The following CER1 variants were observed in gnomAD, a reference collection of about 807,000 sequenced individuals.
CER1 encodes the protein cerberus 1, DAN family BMP antagonist, also known as cerberus.
A neutral mutation model predicts 11.8 loss-of-function variants in CER1; 10 were observed. That is an observed-to-expected ratio of 0.85 (90% confidence interval 0.52 to 1.44). The LOEUF (loss-of-function observed/expected upper bound fraction) is 1.44, where lower values mean the gene tolerates loss of function less well. Ranked by LOEUF, CER1 falls within the 40% of genes most tolerant of loss-of-function variation. The pLI, the probability that CER1 is intolerant of heterozygous loss-of-function variation, is 0.00. For missense variants in CER1, 431 were observed against 327.0 expected (o/e 1.32, Z -2.45); for synonymous variants, 141 against 122.3 (o/e 1.15, Z -1.01).
chr9:14,721,424 T>A (rs995572962), intron 1 of CER1, among the ~76,000 whole-genome samples: 1 of 152,146 alleles, frequency 6.6e-6, no homozygotes, highest in South Asian at 2.1e-4. Flanking sequence ...CAACACAACA[T>A]GAATCAGGAG....
Position 14,719,963 on chromosome 9 carries a change from TTTAAAAC to T in CER1, c.*120_*126del. The T allele has an allele frequency of 3.6e-6, 3 of 842,292 alleles. No homozygotes were observed. 52.2% of individuals were successfully genotyped at this position (842,292 alleles called of 1,614,324 possible). A position where few individuals can be genotyped will look rare whatever the true frequency, so the allele number is the denominator to read the frequency against. On this transcript the variant is annotated 3_prime_UTR_variant, in exon 2 of 2. Coordinates refer to ENST00000380911, the MANE Select transcript of CER1 (RefSeq NM_005454.3). ...AATATCATTTCCTCTATCGTTCTAA[TTTAAAAC>T]TACGTTTCAAGTCACCTTTCCCTGA...
chr9:14,719,774 C>T lies in CER1; in HGVS notation c.*316G>A. 4.1e-6 allele frequency: 1 copy of T among 242,870 alleles called. No homozygotes were observed. The highest frequency in any genetic ancestry group is 8.2e-6 in the Non-Finnish European group (1 of 122,312). The allele number at this position is 242,870 out of a possible 1,614,324, so 15.0% of individuals were successfully genotyped here. ...TTACCCAAACTTGGAGAAAATGCAT[C>T]ACGGAATATTAGTAGTGGAAAGGAT... is the stretch of plus-strand genomic sequence containing the variant. On this transcript the variant is annotated 3_prime_UTR_variant, in exon 2 of 2. Coordinates refer to ENST00000380911, the MANE Select transcript of CER1 (RefSeq NM_005454.3).
chr9:14,717,975 A>G (rs753038440), downstream of CER1, among the ~76,000 whole-genome samples: 24 of 152,158 alleles, frequency 1.6e-4, no homozygotes, highest in Non-Finnish European at 2.9e-4. Flanking sequence ...TAAATGTTCA[A>G]TATTTGTGTT....
chr9:14,720,216 A>T lies in CER1; in HGVS notation c.678T>A (p.Leu226=). 1.2e-6 allele frequency: 2 copies of T among 1,614,164 alleles called. No homozygotes were observed. The highest frequency in any genetic ancestry group is 1.7e-6 in the Non-Finnish European group (2 of 1,180,032). ...GCATCACCACCTTGATCACGGAGGA[A>T]AGTTCAGTGCAGTTCAGTGGCAAGT... ...TMHLPLNCTE[L]SSVIKVVMLV... is the part of the protein sequence containing the mutation. Residue 226 remains leucine (L), a synonymous_variant, in exon 2 of 2, where the codon CTT becomes CTA. Coordinates refer to ENST00000380911, the MANE Select transcript of CER1 (RefSeq NM_005454.3).
chr9:14,718,133 A>G (rs944379436), downstream of CER1, among the ~76,000 whole-genome samples: 2 of 152,214 alleles, frequency 1.3e-5, no homozygotes, highest in Admixed American at 1.3e-4. Flanking sequence ...ACTATCAACT[A>G]TCCCATCTAG....
At chr9:14,719,291 C>G (rs1055812592), downstream of CER1, among the ~76,000 whole-genome samples, 1 of 152,114 alleles carries the variant, frequency 6.6e-6, no homozygotes. Flanking sequence ...CCTATATAAA[C>G]TACTAAAATT....
chr9:14,721,292 C>T lies in CER1; in HGVS notation c.507+874G>A, dbSNP rs117120241. The stretch of plus-strand genomic sequence containing the variant: ...GGTTCAATATCTTCATGTTTAAGGA[C>T]CTAATGCAAGTTCTCAATTTTAATT... On this transcript the variant is annotated intron_variant, in intron 1 of 1. Transcript: ENST00000380911. 6.4e-3 allele frequency among the ~76,000 whole-genome samples: 974 copies of T among 152,216 alleles called. 5 individuals carry two copies. The highest frequency in any genetic ancestry group is 0.017 in the Middle Eastern group (5 of 294).
At chr9:14,722,123 A>T in intron 1 of CER1, 43 bp downstream of exon 1, 1 of 1,577,904 alleles carries the variant, frequency 6.3e-7, no homozygotes, top group Non-Finnish European at 8.6e-7. Context: ...GCTGTCCACT[A>T]CCACCTGCAA....
intron 1 of CER1, among the ~76,000 whole-genome samples, chr9:14,720,924 A>G (rs751849845): frequency 4.6e-5 from 7 of 152,212 alleles, no homozygotes; most frequent in Non-Finnish European, 1.0e-4. Context: ...ATCATTGTAT[A>G]TTACATCACC....
In CER1 at chr9:14,720,301, G is replaced by T; in HGVS notation, c.593C>A (p.Ala198Asp). ...GCAGGAGGTATGGGAGTGCTGCGCGGCTCCAGGAAAATGAACAGACCCGCA... is the reference window on the plus strand; with the variant it reads ...GCAGGAGGTATGGGAGTGCTGCGCGTCTCCAGGAAAATGAACAGACCCGCA... ...GKCGSVHFPG[A>D]AQHSHTSCSH... The change falls in exon 2 of 2, where the codon GCC becomes GAC. Residue 198 changes from alanine (A) to aspartate (D), a missense_variant. Coordinates refer to ENST00000380911, the MANE Select transcript of CER1 (RefSeq NM_005454.3). 3.1e-6 allele frequency: 5 copies of T among 1,614,054 alleles called. No homozygotes were observed. The highest frequency in any genetic ancestry group is 3.4e-6 in the Non-Finnish European group (4 of 1,180,010).
intron 1 of CER1, 148 bp from the exon 2 acceptor site, chr9:14,720,534 G>C: frequency 2.7e-6 from 2 of 734,834 alleles, no homozygotes; most frequent in South Asian, 3.9e-5. Flanking sequence ...GCAAGTGATG[G>C]TATCTATAAG....
chr9:14,717,419 A>C (rs1001852970), downstream of CER1, among the ~76,000 whole-genome samples: 1 of 152,148 alleles, frequency 6.6e-6, no homozygotes, highest in Non-Finnish European at 1.5e-5. Context: ...CTCAAAACAA[A>C]TTTAAAAAAT....
chr9:14,719,552 TGCCTGCCTG>T, downstream of CER1, among the ~76,000 whole-genome samples: 1 of 83,862 alleles, frequency 1.2e-5, no homozygotes, highest in South Asian at 4.9e-4. Context: ...CCTGCCTGCC[TGCCTGCCTG>T]CCTTCCTTCC....
In CER1 at chr9:14,722,374, G is replaced by C. The variant is rs754840877; in HGVS notation, c.299C>G (p.Ser100Ter). 1.1e-5 allele frequency: 18 copies of C among 1,614,172 alleles called. No individual in the cohort carries two copies. The highest frequency in any genetic ancestry group is 1.4e-5 in the Non-Finnish European group (17 of 1,180,026). Reference protein sequence around the residue: ...PEREMHPSRDSDSEPFPPGTQ... With the variant: ...PEREMHPSRD The stretch of plus-strand genomic sequence containing the variant: ...CCCAGGTGGGAAGGGCTCACTATCT[G>C]AGTCCCTGGATGGATGCATTTCTCT... Residue 100 changes from serine (S) to a stop codon, truncating the protein, a stop_gained, in exon 1 of 2, where the codon TCA becomes TGA. Coordinates refer to ENST00000380911, the MANE Select transcript of CER1 (RefSeq NM_005454.3). LOFTEE classifies it high-confidence loss of function.
In CER1 at chr9:14,721,874, A is replaced by G. The variant is rs78539853; in HGVS notation, c.507+292T>C. ...TATATCTCTGAGTAGATCACCTCCA[A>G]TGCAAAAATAAATAAATAAAACAGA... On this transcript the variant is annotated intron_variant, in intron 1 of 1. Transcript: ENST00000380911. 3.1e-4 allele frequency among the ~76,000 whole-genome samples: 47 copies of G among 152,250 alleles called. No homozygotes were observed. In the East Asian group the frequency reaches 5.4e-3, roughly 18 times the overall value.
At chr9:14,717,840 T>C (rs1839957170), downstream of CER1, among the ~76,000 whole-genome samples, 2 of 152,308 alleles carry the variant, frequency 1.3e-5, no homozygotes, top group South Asian at 4.1e-4. Context: ...CTTAGGCAAA[T>C]TCTGAAACTT....
rs750664537 is a variant in CER1 at position 14,722,726 on chromosome 9, C to T, written c.-54G>A. 4 of 1,529,786 alleles carry T rather than the reference C, an allele frequency of 2.6e-6. No individual in the cohort carries two copies. The highest frequency in any genetic ancestry group is 1.3e-5 in the South Asian group (1 of 77,582). The allele number at this position is 1,529,786 out of a possible 1,614,324, so 94.8% of individuals were successfully genotyped here. ...AATGATGAGGCCCAAAGGAGAGGCT[C>T]ATTCTCTGCAGGACTGGGAAAAAGG... On this transcript the variant is annotated 5_prime_UTR_variant, in exon 1 of 2. The change abolishes an upstream ATG in the 5' untranslated region. Transcript: ENST00000380911.
At chr9:14,720,446 G>T (rs1206049454) in intron 1 of CER1, 60 bp from the exon 2 acceptor site, 3 of 1,477,082 alleles carry the variant, frequency 2.0e-6, no homozygotes, top group Admixed American at 1.8e-5. Context: ...CACACATAAT[G>T]CAGAAGCTAT....
chr9:14,720,036 C>G lies in CER1; in HGVS notation c.*54G>C, dbSNP rs577716515. The G allele has an allele frequency of 9.1e-6, 14 of 1,538,660 alleles. No homozygotes were observed. The African/African-American group carries it at 1.9e-4, about 21-fold the overall frequency. On this transcript the variant is annotated 3_prime_UTR_variant, in exon 2 of 2. Transcript: ENST00000380911. Reference sequence around the variant, plus strand: ...ACTTAACATTTTCAGACTGAATAATCAGCATCTTTGCTGTTGTGGTTTTGC... The same window carrying G: ...ACTTAACATTTTCAGACTGAATAATGAGCATCTTTGCTGTTGTGGTTTTGC...
Sources: gnomAD v4.1 joint callset for allele counts (sites outside exome capture counted in the v4.1 genomes callset) on GRCh38, gnomAD v4.1.1 for gene constraint, MANE v1.5 for transcripts, NCBI Gene and HGNC (gene_info 2026-07-23, HGNC 2026-07-21) for gene names.